CNTFR: variants seen among roughly 807,000 people sequenced by gnomAD.
CNTFR encodes the protein ciliary neurotrophic factor receptor.
Under a neutral mutation model 40.4 loss-of-function variants are expected in CNTFR, and 12 were observed. The observed-to-expected ratio is 0.30, with a 90% CI of 0.19 to 0.48. The LOEUF is 0.48. Among genes scored for constraint, CNTFR ranks in the 20% least tolerant of loss-of-function variants. The pLI is 0.99. For synonymous variants in CNTFR, 202 were observed against 209.6 expected (o/e 0.96, Z 0.31); for missense variants, 414 against 506.8 (o/e 0.82, Z 1.76).
intron 1 of CNTFR, among the ~76,000 whole-genome samples, chr9:34,585,505 C>T (rs1827500386): frequency 6.6e-6 from 1 of 152,208 alleles, no homozygotes; most frequent in Non-Finnish European, 1.5e-5. Context: ...CAGGGTCTAA[C>T]TCTTCCTCAA....
In CNTFR at chr9:34,557,573, G is replaced by A. The variant is rs771336868; in HGVS notation, c.557C>T (p.Ala186Val). The part of the protein sequence containing the change: ...KYKVSISVSN[A>V]LGHNATAITF... ...GATAGCTGTGGCATTGTGGCCCAGG[G>A]CATTGCTGACACTTATGGAGACCTT... The change falls in exon 6 of 10, where the codon GCC becomes GTC. Residue 186 changes from alanine (A) to valine (V), a missense_variant. By Grantham distance (64) the Ala-to-Val change is moderately conservative. Transcript: ENST00000378980. The surrounding 1 kb of genome is among the most constrained non-coding windows in gnomAD (Gnocchi z 4.2). 1.2e-6 allele frequency: 2 copies of A among 1,614,190 alleles called. No homozygotes were observed. Among genetic ancestry groups the A allele is most frequent in the Admixed American group, 1.7e-5 (1 of 60,016 alleles).
chr9:34,555,153 G>C (rs1825784426), intron 7 of CNTFR, among the ~76,000 whole-genome samples: 1 of 152,250 alleles, frequency 6.6e-6, no homozygotes, highest in Non-Finnish European at 1.5e-5. Context: ...GGGGAGGGGG[G>C]CTTGTGAAAC....
intron 2 of CNTFR, among the ~76,000 whole-genome samples, chr9:34,577,406 A>G (rs537328045): frequency 6.6e-6 from 1 of 152,308 alleles, no homozygotes; most frequent in African/African-American, 2.4e-5. Flanking sequence ...GGGACAAAAG[A>G]AACCAGGCAG....
At chr9:34,578,582 C>G (rs938858856) in intron 2 of CNTFR, among the ~76,000 whole-genome samples, 15 of 152,318 alleles carry the variant, frequency 9.8e-5, no homozygotes, top group African/African-American at 3.6e-4. Context: ...GGCCCCAGCT[C>G]CCGGCTACCT....
intron 7 of CNTFR, among the ~76,000 whole-genome samples, chr9:34,554,968 G>A (rs1195729679): frequency 1.3e-5 from 2 of 152,232 alleles, no homozygotes; most frequent in Non-Finnish European, 2.9e-5. Context: ...CTCAGTGTGG[G>A]GGTCAGTTTT....
At chr9:34,576,439 C>A (rs1474184955) in intron 2 of CNTFR, among the ~76,000 whole-genome samples, 2 of 152,228 alleles carry the variant, frequency 1.3e-5, no homozygotes, top group Non-Finnish European at 2.9e-5. Flanking sequence ...CCGACACCGG[C>A]AATGGGAAAC....
At chr9:34,560,951 G>A (rs562095968) in intron 4 of CNTFR, among the ~76,000 whole-genome samples, 2 of 152,356 alleles carry the variant, frequency 1.3e-5, no homozygotes, top group African/African-American at 4.8e-5. Context: ...GGAGCCCCCG[G>A]CACGCATGAG....
intron 2 of CNTFR, among the ~76,000 whole-genome samples, chr9:34,580,540 G>T (rs920903106): frequency 6.6e-6 from 1 of 152,198 alleles, no homozygotes; most frequent in Non-Finnish European, 1.5e-5. Flanking sequence ...GCCTTTGTGG[G>T]CCTCTGGCGG....
intron 2 of CNTFR, among the ~76,000 whole-genome samples, chr9:34,579,561 C>T (rs988122223): frequency 6.6e-6 from 1 of 151,624 alleles, no homozygotes; most frequent in African/African-American, 2.4e-5. Context: ...GGCGAGGCTC[C>T]CACGGAGGCT....
In CNTFR at chr9:34,551,905, TG is replaced by T. The variant is rs1023183707; in HGVS notation, c.*165del. Reference sequence around the variant, plus strand: ...GAGGGCCAGCTTGGTGCGGCAGGGCTGGGGGGCGGCAGGCCCGGGCCCGCCG... The same window carrying T: ...GAGGGCCAGCTTGGTGCGGCAGGGCTGGGGGCGGCAGGCCCGGGCCCGCCG... On this transcript the variant is annotated 3_prime_UTR_variant, in exon 10 of 10. Coordinates refer to ENST00000378980, the MANE Select transcript of CNTFR (RefSeq NM_147164.3). 8.5e-6 allele frequency: 6 copies of T among 705,686 alleles called. No individual in the cohort carries two copies. The highest frequency in any genetic ancestry group is 5.4e-5 in the East Asian group (2 of 37,224). 43.7% of individuals were successfully genotyped at this position (705,686 alleles called of 1,614,324 possible).
At chr9:34,590,503 C>CG (rs1827732031), upstream of CNTFR, among the ~76,000 whole-genome samples, 1 of 152,230 alleles carries the variant, frequency 6.6e-6, no homozygotes. Flanking sequence ...CCCCCTCGCG[C>CG]GGGGGAAAGG....
intron 4 of CNTFR, among the ~76,000 whole-genome samples, chr9:34,564,018 C>A (rs1383744928): frequency 6.6e-6 from 1 of 152,210 alleles, no homozygotes; most frequent in East Asian, 1.9e-4. Context: ...TTTACATGCC[C>A]TCCCAGCCGC....
At chr9:34,584,373 A>G (rs1320950427) in intron 1 of CNTFR, among the ~76,000 whole-genome samples, 1 of 152,154 alleles carries the variant, frequency 6.6e-6, no homozygotes, top group Non-Finnish European at 1.5e-5. Context: ...CCCCATATTC[A>G]CACACTCTCC....
chr9:34,556,343 T>C lies in CNTFR; in HGVS notation c.680A>G (p.Gln227Arg). 1 of 1,613,922 alleles carries C rather than the reference T, an allele frequency of 6.2e-7. No individual in the cohort carries two copies. Among genetic ancestry groups the C allele is most frequent in the Non-Finnish European group, 8.5e-7 (1 of 1,179,970 alleles). The change falls in exon 7 of 10, where the codon CAG becomes CGG. Residue 227 changes from glutamine (Q) to arginine (R), a missense_variant. By Grantham distance (43) the Gln-to-Arg change is conservative. Around this residue, in one of 3 missense-constraint regions of CNTFR, gnomAD observed 83 missense variants for 145.0 expected, o/e 0.57. Transcript: ENST00000378980. The part of the protein sequence containing the change: ...SNPRRLEVTW[Q>R]TPSTWPDPES... The stretch of plus-strand genomic sequence containing the variant: ...AGGGTCAGGCCAGGTCGAGGGGGTC[T>C]GCCACGTCACCTCCAGCCGGCGAGG...
intron 2 of CNTFR, among the ~76,000 whole-genome samples, chr9:34,577,301 A>T (rs1210675175): frequency 2.6e-5 from 4 of 152,200 alleles, no homozygotes; most frequent in Non-Finnish European, 5.9e-5. Context: ...AAGGAGCCTG[A>T]CGTGACTCCA....
chr9:34,559,941 C>T (rs1283041230), intron 4 of CNTFR, among the ~76,000 whole-genome samples: 3 of 152,062 alleles, frequency 2.0e-5, no homozygotes, highest in Admixed American at 1.3e-4. Context: ...TTCCAACCTC[C>T]CCCTCACGCC....
At position 34,577,124 on chromosome 9, in the gene CNTFR, A is replaced by G. The variant is rs565239338; in HGVS notation, c.-1+3971T>C. ...GTCCTAAGGTGTCCTTGGACCCTGCAGCCCCGCCCCCATCACTGGAGGAGT... is the reference window on the plus strand; with the variant it reads ...GTCCTAAGGTGTCCTTGGACCCTGCGGCCCCGCCCCCATCACTGGAGGAGT... On this transcript the variant is annotated intron_variant, in intron 2 of 9. Coordinates refer to ENST00000378980, the MANE Select transcript of CNTFR (RefSeq NM_147164.3). Among the ~76,000 whole-genome samples the G allele has an allele frequency of 2.6e-5, 4 of 152,362 alleles. No homozygotes were observed. The South Asian group carries it at 8.3e-4, about 32-fold the overall frequency.
intron 1 of CNTFR, chr9:34,582,481 C>T (rs747611919): frequency 6.6e-6 from 1 of 152,092 alleles, no homozygotes; most frequent in Non-Finnish European, 1.5e-5. Flanking sequence ...GACCCCTCAC[C>T]TTCTATAAGA....
At chr9:34,553,699 G>A (rs1055998625) in intron 7 of CNTFR, among the ~76,000 whole-genome samples, 1 of 152,184 alleles carries the variant, frequency 6.6e-6, no homozygotes, top group South Asian at 2.1e-4. Context: ...CCCCACTCTC[G>A]CCCCGCTGGC....
Sources: allele counts gnomAD v4.1 joint callset (sites outside exome capture counted in the v4.1 genomes callset), GRCh38; gene constraint gnomAD v4.1.1; regional missense constraint gnomAD v4.1.1; non-coding constraint Gnocchi (gnomAD v3.1); transcripts MANE v1.5; gene names NCBI Gene and HGNC (gene_info 2026-07-23, HGNC 2026-07-21).